ME2: variants seen among roughly 807,000 people sequenced by gnomAD.
ME2 encodes malic enzyme 2.
A neutral mutation model predicts 73.7 loss-of-function variants in ME2; 60 were observed. The ratio of observed to expected loss-of-function variants is 0.81; its 90% CI spans 0.66 to 1.01. ME2 has a LOEUF of 1.01. Among genes scored for constraint, ME2 ranks in the 50% least tolerant of loss-of-function variants. The pLI is 0.00. For synonymous variants in ME2, 199 were observed against 236.9 expected, an observed-to-expected ratio of 0.84 and a Z score of 1.47; for missense variants, 594 against 705.5, an observed-to-expected ratio of 0.84 and a Z score of 1.79.
chr18:50,906,217 A>G (rs529518571), intron 2 of ME2, among the ~76,000 whole-genome samples: 1 of 152,154 alleles, frequency 6.6e-6, no homozygotes, highest in African/African-American at 2.4e-5. Flanking sequence ...TGAAAACTGG[A>G]CATTTTAAAT....
chr18:50,887,880 T>C (rs1916511013), intron 1 of ME2, among the ~76,000 whole-genome samples: 1 of 152,112 alleles, frequency 6.6e-6, no homozygotes, highest in South Asian at 2.1e-4. Flanking sequence ...ATCTTTAAAA[T>C]AAATATTTAA....
chr18:50,924,152 G>C lies in ME2; in HGVS notation c.1111G>C (p.Glu371Gln). 6.2e-7 allele frequency: 1 copy of C among 1,613,660 alleles called. No individual in the cohort carries two copies. Among genetic ancestry groups the C allele is most frequent in the Non-Finnish European group, 8.5e-7 (1 of 1,179,762 alleles). ...YQEPFTHSAP[E>Q]SIPDTFEDAV... Reference sequence around the variant, plus strand: ...GGAACCATTTACTCACTCAGCCCCAGAGAGCATACCTGATACTTTTGAAGA... The same window carrying C: ...GGAACCATTTACTCACTCAGCCCCACAGAGCATACCTGATACTTTTGAAGA... Residue 371 changes from glutamate (E) to glutamine (Q), a missense_variant, in exon 11 of 16, where the codon GAG (glutamate) becomes CAG (glutamine). Physicochemically the swap from Glu to Gln is conservative, Grantham distance 29 (BLOSUM62 2). Coordinates refer to ENST00000321341, the MANE Select transcript of ME2 (RefSeq NM_002396.5).
intron 12 of ME2, among the ~76,000 whole-genome samples, chr18:50,929,232 A>C (rs1446390925): frequency 6.6e-6 from 1 of 150,584 alleles, no homozygotes; most frequent in East Asian, 2.0e-4. Context: ...TAATCCCAGC[A>C]CTTTGGAATG....
At chr18:50,911,913 A>G (rs903646218) in intron 3 of ME2, among the ~76,000 whole-genome samples, 7 of 152,190 alleles carry the variant, frequency 4.6e-5, no homozygotes, top group African/African-American at 1.7e-4. Flanking sequence ...TTGTATTTAT[A>G]AAGACTGGTA....
chr18:50,932,122 T>C, intron 12 of ME2, 136 bp from the exon 13 acceptor site: 1 of 597,540 alleles, frequency 1.7e-6, no homozygotes. Flanking sequence ...AAAAGATTGT[T>C]ATATAGTATA....
At chr18:50,941,339 A>G (rs1434541676) in intron 15 of ME2, among the ~76,000 whole-genome samples, 1 of 113,394 alleles carries the variant, frequency 8.8e-6, no homozygotes, top group Non-Finnish European at 1.7e-5. Context: ...CTTTGTGTGT[A>G]TTTGTGATGG....
At chr18:50,892,625 T>A (rs1349126864) in intron 1 of ME2, among the ~76,000 whole-genome samples, 1 of 152,222 alleles carries the variant, frequency 6.6e-6, no homozygotes, top group African/African-American at 2.4e-5. Context: ...TATCTTAACT[T>A]ATTATTGCTG....
chr18:50,910,130 A>G (rs1436436320), intron 3 of ME2, among the ~76,000 whole-genome samples: 2 of 151,964 alleles, frequency 1.3e-5, no homozygotes, highest in Admixed American at 6.6e-5. Context: ...CCATGTGGCT[A>G]TAAGATAAAG....
intron 1 of ME2, among the ~76,000 whole-genome samples, chr18:50,895,373 G>T (rs963218573): frequency 2.0e-5 from 3 of 152,170 alleles, no homozygotes; most frequent in Admixed American, 2.0e-4. Flanking sequence ...TAAAATTCTA[G>T]GTCTAGATTA....
At position 50,951,657 on chromosome 18, in the gene ME2, T is replaced by C. The variant is rs1017709493; in HGVS notation, c.*4473T>C. Reference sequence around the variant, plus strand: ...ACTTTGGGAGGCCAAGGCAGGCGGATCACGAGGTCAGGAGATCAAGACCAT... The same window carrying C: ...ACTTTGGGAGGCCAAGGCAGGCGGACCACGAGGTCAGGAGATCAAGACCAT... On this transcript the variant is annotated 3_prime_UTR_variant, in exon 16 of 16. Coordinates refer to ENST00000321341, the MANE Select transcript of ME2 (RefSeq NM_002396.5). 3 of 150,960 alleles carry C rather than the reference T, an allele frequency of 2.0e-5. No homozygotes were observed. Among genetic ancestry groups the C allele is most frequent in the African/African-American group, 7.3e-5 (3 of 41,054 alleles). The allele number at this position is 150,960 out of a possible 1,614,324, so 9.4% of individuals were successfully genotyped here.
intron 14 of ME2, 22 bp from the exon 15 acceptor site, chr18:50,940,265 CA>C: frequency 6.5e-7 from 1 of 1,548,684 alleles, no homozygotes. Flanking sequence ...CAAACAAAAG[CA>C]AAATGCTGTT....
rs1918215744 is a variant in ME2, at chr18:50,951,176, T to G, written c.*3992T>G. 1.3e-5 allele frequency: 2 copies of G among 152,274 alleles called. No individual in the cohort carries two copies. The highest frequency in any genetic ancestry group is 4.8e-5 in the African/African-American group (2 of 41,484). The allele number at this position is 152,274 out of a possible 1,614,324, so 9.4% of individuals were successfully genotyped here. ...GGACATTTATTTCTCTTAGTTTTCTTATGACATGACTTGCCTTATATCCTT... is the reference window on the plus strand; with the variant it reads ...GGACATTTATTTCTCTTAGTTTTCTGATGACATGACTTGCCTTATATCCTT... On this transcript the variant is annotated 3_prime_UTR_variant, in exon 16 of 16. Transcript: ENST00000321341.
intron 15 of ME2, among the ~76,000 whole-genome samples, chr18:50,946,142 A>AT: frequency 6.6e-6 from 1 of 152,066 alleles, no homozygotes; most frequent in Non-Finnish European, 1.5e-5. Context: ...AAATAAATAA[A>AT]ACCATGACTT....
chr18:50,914,987 T>G (rs1466106533), intron 4 of ME2, among the ~76,000 whole-genome samples: 1 of 152,196 alleles, frequency 6.6e-6, no homozygotes, highest in Non-Finnish European at 1.5e-5. Flanking sequence ...AAACATGTTG[T>G]ACATGATAAA....
At chr18:50,884,842 TTGTGTGTGTGTGTGTG>T (rs10599201) in intron 1 of ME2, among the ~76,000 whole-genome samples, 1 of 150,556 alleles carries the variant, frequency 6.6e-6, no homozygotes, top group Non-Finnish European at 1.5e-5. Context: ...TTGTGTGTGT[TTGTGTGTGTGTGTGTG>T]TGTGTGTGTG....
At chr18:50,893,124 C>CAAAAAAAAAAAAAAAAAA (rs56104427) in intron 1 of ME2, among the ~76,000 whole-genome samples, 22 of 78,090 alleles carry the variant, frequency 2.8e-4, no homozygotes, top group Non-Finnish European at 4.3e-4. Flanking sequence ...GACTCTATCT[C>CAAAAAAAAAAAAAAAAAA]AAAAAAAAAA....
Position 50,912,817 on chromosome 18 carries a change from G to A in ME2, c.259G>A (p.Gly87Arg), listed in dbSNP as rs761103060. 2 of 1,593,442 alleles carry A rather than the reference G, an allele frequency of 1.3e-6. No homozygotes were observed. Among genetic ancestry groups the A allele is most frequent in the South Asian group, 1.1e-5 (1 of 88,254 alleles). Residue 87 changes from glycine (G) to arginine (R), a missense_variant, in exon 4 of 16, where the codon GGA becomes AGA. By Grantham distance (125) the Gly-to-Arg change is moderately radical. Transcript: ENST00000321341. The part of the protein sequence containing the change: ...SPLEKYIYIM[G>R]IQERNEKLFY... ...TCATTTCAGATATATCTACATAATGGGAATACAAGAAAGAAATGAGAAATT... is the reference window on the plus strand; with the variant it reads ...TCATTTCAGATATATCTACATAATGAGAATACAAGAAAGAAATGAGAAATT...
intron 11 of ME2, among the ~76,000 whole-genome samples, chr18:50,924,888 A>C (rs1599113618): frequency 6.6e-6 from 1 of 151,416 alleles, no homozygotes; most frequent in Non-Finnish European, 1.5e-5. Flanking sequence ...CACCATGTTG[A>C]CCAGGCTGGT....
At chr18:50,887,763 A>G (rs770471753) in intron 1 of ME2, among the ~76,000 whole-genome samples, 3 of 152,216 alleles carry the variant, frequency 2.0e-5, no homozygotes, top group Admixed American at 2.0e-4. Flanking sequence ...ACAACACACA[A>G]CGTGTATGGG....
Sources: allele counts gnomAD v4.1 joint callset (sites outside exome capture counted in the v4.1 genomes callset), GRCh38; gene constraint gnomAD v4.1.1; transcripts MANE v1.5; gene names NCBI Gene and HGNC (gene_info 2026-07-23, HGNC 2026-07-21).